CHIC1: variants seen among roughly 807,000 people sequenced by gnomAD.
CHIC1 encodes cysteine rich hydrophobic domain 1.
In CHIC1, 7 loss-of-function variants were observed where a neutral mutation model predicts 18.5. That is an observed-to-expected ratio of 0.38 (90% CI 0.22 to 0.71). The LOEUF (loss-of-function observed/expected upper bound fraction) is 0.71, where lower values mean the gene tolerates loss of function less well. Among genes scored for constraint, CHIC1 ranks in the 30% least tolerant of loss-of-function variants. CHIC1 has a pLI of 0.49. For missense variants in CHIC1, 159 were observed against 176.9 expected, an observed-to-expected ratio of 0.90 and a Z score of 0.57; for synonymous variants, 77 against 73.5, an observed-to-expected ratio of 1.05 and a Z score of -0.25.
At chrX:73,565,945 C>T (rs1199072718) in intron 1 of CHIC1, among the ~76,000 whole-genome samples, 1 of 109,870 alleles carries the variant, frequency 9.1e-6, no homozygotes, top group African/African-American at 3.3e-5. Context: ...AATTTGAGAG[C>T]CCTCACCTCA....
rs897333711 is a variant in CHIC1, at chrX:73,630,503, T to C, written c.507+45931T>C. Among the ~76,000 whole-genome samples the C allele has an allele frequency of 1.0e-3, 112 of 112,009 alleles. 2 individuals carry two copies. Among genetic ancestry groups the C allele is most frequent in the African/African-American group, 3.2e-3 (99 of 30,861 alleles). On this transcript the variant is annotated intron_variant, in intron 3 of 5. Transcript: ENST00000373502. ...TCTGTACATATTAATATGATCATGA[T>C]TTTTATCCTTCATTCTTTTAGTATT...
intron 3 of CHIC1, among the ~76,000 whole-genome samples, chrX:73,639,738 C>T (rs1014584887): frequency 1.8e-5 from 2 of 111,620 alleles, no homozygotes; most frequent in African/African-American, 6.5e-5. Context: ...TTGTAGAGGT[C>T]TTTCACCTCC....
chrX:73,570,551 G>A (rs1231616219), intron 1 of CHIC1, among the ~76,000 whole-genome samples: 2 of 110,923 alleles, frequency 1.8e-5, no homozygotes, highest in African/African-American at 6.5e-5. Flanking sequence ...GGGGAACCAG[G>A]TTCCAAGAAA....
chrX:73,641,273 A>G (rs190600067), intron 3 of CHIC1, among the ~76,000 whole-genome samples: 94 of 110,888 alleles, frequency 8.5e-4, no homozygotes, highest in African/African-American at 2.7e-3. Flanking sequence ...CAATTTTATA[A>G]TATGTGCCAT....
intron 3 of CHIC1, among the ~76,000 whole-genome samples, chrX:73,623,675 C>A (rs767081950): frequency 9.0e-6 from 1 of 111,125 alleles, no homozygotes; most frequent in East Asian, 2.8e-4. Flanking sequence ...ACCCTCTAAA[C>A]TTAGCAAAAA....
chrX:73,628,014 T>A (rs758406978), intron 3 of CHIC1, among the ~76,000 whole-genome samples: 8 of 111,459 alleles, frequency 7.2e-5, no homozygotes, highest in Non-Finnish European at 1.1e-4. Context: ...AGGTGATAAA[T>A]GTTGCCAGGA....
intron 1 of CHIC1, among the ~76,000 whole-genome samples, chrX:73,574,327 G>A (rs2057486131): frequency 9.0e-6 from 1 of 110,857 alleles, no homozygotes; most frequent in Non-Finnish European, 1.9e-5. Flanking sequence ...GATTCGGATT[G>A]CTAGTATTTT....
intron 3 of CHIC1, among the ~76,000 whole-genome samples, chrX:73,652,797 C>T (rs1376593848): frequency 3.6e-5 from 4 of 111,939 alleles, no homozygotes; most frequent in Non-Finnish European, 7.5e-5. Context: ...TAAACTAGTT[C>T]AACCATTGTG....
At chrX:73,601,000 C>G (rs1351660347) in intron 3 of CHIC1, among the ~76,000 whole-genome samples, 3 of 107,923 alleles carry the variant, frequency 2.8e-5, no homozygotes, top group Non-Finnish European at 5.7e-5. Flanking sequence ...AATTCAACAA[C>G]AAGAGCTAAC....
chrX:73,669,833 G>A (rs757917866), intron 3 of CHIC1, among the ~76,000 whole-genome samples: 29 of 111,958 alleles, frequency 2.6e-4, no homozygotes, highest in Non-Finnish European at 4.7e-4. Context: ...ATCTTGTGAA[G>A]TGAGGTGGAA....
intron 3 of CHIC1, among the ~76,000 whole-genome samples, chrX:73,601,302 A>G (rs1025892357): frequency 1.1e-4 from 12 of 105,221 alleles, no homozygotes; most frequent in Non-Finnish European, 2.1e-4. Context: ...TTGACCACAT[A>G]CTTGGAAGTA....
chrX:73,602,917 A>T (rs1332205145), intron 3 of CHIC1, among the ~76,000 whole-genome samples: 2 of 108,948 alleles, frequency 1.8e-5, no homozygotes, highest in African/African-American at 7.1e-5. Context: ...TGGTTACTAT[A>T]GCCTTGTAGT....
At chrX:73,596,859 C>G (rs1289445023) in intron 3 of CHIC1, among the ~76,000 whole-genome samples, 1 of 111,783 alleles carries the variant, frequency 8.9e-6, no homozygotes, top group Non-Finnish European at 1.9e-5. Context: ...CTTCCTTACA[C>G]CTTATACAAA....
chrX:73,616,368 C>T (rs1303112781), intron 3 of CHIC1, among the ~76,000 whole-genome samples: 1 of 111,637 alleles, frequency 9.0e-6, no homozygotes, highest in Non-Finnish European at 1.9e-5. Flanking sequence ...GTTGCTTTCA[C>T]AGGCTGGCGT....
At chrX:73,669,476 G>A (rs2058019543) in intron 3 of CHIC1, among the ~76,000 whole-genome samples, 2 of 110,900 alleles carry the variant, frequency 1.8e-5, no homozygotes, top group South Asian at 7.8e-4. Context: ...ATCAACCCAG[G>A]TGGTGACCCT....
At chrX:73,618,811 A>T (rs1458991277) in intron 3 of CHIC1, among the ~76,000 whole-genome samples, 2 of 112,592 alleles carry the variant, frequency 1.8e-5, no homozygotes, top group Non-Finnish European at 3.8e-5. Context: ...TTTCTGTCCA[A>T]GAAAATTCAC....
chrX:73,648,883 G>A (rs1451783575), intron 3 of CHIC1, among the ~76,000 whole-genome samples: 2 of 110,953 alleles, frequency 1.8e-5, no homozygotes, highest in African/African-American at 6.6e-5. Context: ...AGATCAACCC[G>A]AAGACACATG....
At chrX:73,645,880 A>T (rs1404940601) in intron 3 of CHIC1, among the ~76,000 whole-genome samples, 3 of 111,570 alleles carry the variant, frequency 2.7e-5, no homozygotes, top group African/African-American at 6.5e-5. Flanking sequence ...TTTCCTTTGC[A>T]AAGCAAAGGA....
chrX:73,566,725 T>G (rs1415065101), intron 1 of CHIC1, among the ~76,000 whole-genome samples: 2 of 111,746 alleles, frequency 1.8e-5, no homozygotes, highest in Non-Finnish European at 3.8e-5. Context: ...TATCCTTAAT[T>G]AATATCACTG....
Sources: gnomAD v4.1 joint callset for allele counts (sites outside exome capture counted in the v4.1 genomes callset) on GRCh38, gnomAD v4.1.1 for gene constraint, MANE v1.5 for transcripts, NCBI Gene and HGNC (gene_info 2026-07-23, HGNC 2026-07-21) for gene names.